The following RAD51B variants were observed in gnomAD, a reference collection of about 807,000 sequenced individuals.
RAD51B encodes the protein RAD51 paralog B, also known as DNA repair protein RAD51 homolog 2.
A neutral mutation model predicts 42.2 loss-of-function variants in RAD51B; 38 were observed. The observed-to-expected ratio is 0.90, with a 90% confidence interval of 0.70 to 1.18. The LOEUF is 1.18. RAD51B is among the 50% of genes most tolerant of loss of function. The probability of loss-of-function intolerance (pLI) is 0.00; values close to 1 mark genes in which losing one functional copy is unlikely to be tolerated. For missense variants in RAD51B, 373 were observed against 400.7 expected (o/e 0.93, Z 0.59); for synonymous variants, 154 against 145.2 (o/e 1.06, Z -0.43).
chr14:67,827,284 C>T (rs997387507), intron 3 of RAD51B, among the ~76,000 whole-genome samples: 2 of 152,136 alleles, frequency 1.3e-5, no homozygotes, highest in African/African-American at 2.4e-5. Context: ...GCATATTTCC[C>T]GTTAATAAAT....
intron 7 of RAD51B, among the ~76,000 whole-genome samples, chr14:67,890,638 AG>A (rs1486811615): frequency 2.6e-5 from 3 of 117,078 alleles, no homozygotes; most frequent in Non-Finnish European, 5.0e-5. Flanking sequence ...CAGTCCCCAG[AG>A]TGTAAACTTC....
chr14:68,328,342 C>A (rs905950788), intron 8 of RAD51B, among the ~76,000 whole-genome samples: 2 of 152,190 alleles, frequency 1.3e-5, no homozygotes. Flanking sequence ...AAACTTTTCT[C>A]CTGTGCATTG....
intron 8 of RAD51B, among the ~76,000 whole-genome samples, chr14:68,360,723 A>G (rs1010218943): frequency 1.3e-5 from 2 of 152,264 alleles, no homozygotes; most frequent in African/African-American, 4.8e-5. Context: ...TGATAAAAGC[A>G]TAACAAATGT....
At chr14:67,985,586 T>C (rs2075170702) in intron 7 of RAD51B, among the ~76,000 whole-genome samples, 1 of 152,174 alleles carries the variant, frequency 6.6e-6, no homozygotes, top group Admixed American at 6.5e-5. Flanking sequence ...TAGCTTTTCC[T>C]TGACTTTTGT....
chr14:68,139,607 G>C (rs920225415), intron 7 of RAD51B, among the ~76,000 whole-genome samples: 1 of 152,202 alleles, frequency 6.6e-6, no homozygotes. Context: ...CACTCCCACT[G>C]CCTCACTCTT....
At chr14:67,874,658 CTGTTTTTTTGT>C (rs2140021101) in intron 5 of RAD51B, among the ~76,000 whole-genome samples, 1 of 152,096 alleles carries the variant, frequency 6.6e-6, no homozygotes, top group East Asian at 1.9e-4. Context: ...AGAAGATCTG[CTGTTTTTTTGT>C]TGTTTTTTTT....
intron 7 of RAD51B, among the ~76,000 whole-genome samples, chr14:68,149,063 T>A (rs1190878281): frequency 6.6e-6 from 1 of 152,192 alleles, no homozygotes; most frequent in African/African-American, 2.4e-5. Context: ...AATCAGATTG[T>A]TTGTTTTCTT....
chr14:67,833,973 A>C (rs1408597829), intron 3 of RAD51B, among the ~76,000 whole-genome samples: 1 of 152,196 alleles, frequency 6.6e-6, no homozygotes, highest in Non-Finnish European at 1.5e-5. Flanking sequence ...TTGTTGTATT[A>C]GTTTCCTGTG....
At chr14:68,648,548 C>A (rs1334731221) in intron 10 of RAD51B, among the ~76,000 whole-genome samples, 2 of 151,612 alleles carry the variant, frequency 1.3e-5, no homozygotes, top group African/African-American at 4.8e-5. Context: ...GGGGCACATA[C>A]AGAATTCTGT....
chr14:68,368,294 A>G (rs555388345), intron 8 of RAD51B, among the ~76,000 whole-genome samples: 1 of 152,270 alleles, frequency 6.6e-6, no homozygotes, highest in Non-Finnish European at 1.5e-5. Context: ...TTAATTCCTC[A>G]GAATCCCACA....
At chr14:68,306,604 G>A (rs2081869377) in intron 8 of RAD51B, 1 of 514,740 alleles carries the variant, frequency 1.9e-6, no homozygotes, top group Admixed American at 2.0e-5. Context: ...AAACCACAGT[G>A]AGCATGGAAG....
chr14:67,988,595 A>T lies in RAD51B; in HGVS notation c.756+101391A>T, dbSNP rs1002343974. On this transcript the variant is annotated intron_variant, in intron 7 of 10. Transcript: ENST00000471583. ...AGTTTTTCACAGACATGGCTTGAGA[A>T]TATTTTCTATTTTATATGCTTGTTA... is the stretch of plus-strand genomic sequence containing the variant. 2.0e-5 allele frequency among the ~76,000 whole-genome samples: 3 copies of T among 152,212 alleles called. No homozygotes were observed. The South Asian group carries it at 6.2e-4, about 32-fold the overall frequency.
intron 7 of RAD51B, among the ~76,000 whole-genome samples, chr14:68,258,316 G>A (rs1473773328): frequency 2.6e-5 from 4 of 151,822 alleles, no homozygotes; most frequent in Admixed American, 6.6e-5. Flanking sequence ...CGGGAGGATC[G>A]CTTGAGCCTG....
At chr14:68,221,643 A>G (rs2079929236) in intron 7 of RAD51B, among the ~76,000 whole-genome samples, 1 of 152,244 alleles carries the variant, frequency 6.6e-6, no homozygotes, top group Non-Finnish European at 1.5e-5. Flanking sequence ...CTTCATGACC[A>G]AGAACCCAAA....
chr14:68,157,725 A>G (rs61512918), intron 7 of RAD51B, among the ~76,000 whole-genome samples: 2,112 of 152,338 alleles, frequency 0.014, 50 homozygotes, highest in African/African-American at 0.047. Context: ...AATGGCAATA[A>G]CAAACTATTA....
At chr14:68,652,284 G>A (rs753485670) in intron 11 of RAD51B, among the ~76,000 whole-genome samples, 8 of 152,172 alleles carry the variant, frequency 5.3e-5, no homozygotes, top group South Asian at 2.1e-4. Flanking sequence ...CTTTCCAGCC[G>A]CCTCTTGCTC....
At chr14:67,913,718 AG>A (rs2044062066) in intron 7 of RAD51B, among the ~76,000 whole-genome samples, 1 of 152,164 alleles carries the variant, frequency 6.6e-6, no homozygotes, top group South Asian at 2.1e-4. Flanking sequence ...ATTTTGATAC[AG>A]GCATACAGTG....
chr14:67,936,869 G>A (rs1348515889), intron 7 of RAD51B, among the ~76,000 whole-genome samples: 2 of 152,106 alleles, frequency 1.3e-5, no homozygotes, highest in Non-Finnish European at 2.9e-5. Context: ...TTGACCATTT[G>A]TATATCTCTT....
intron 7 of RAD51B, among the ~76,000 whole-genome samples, chr14:68,188,496 A>T (rs1005344909): frequency 6.6e-6 from 1 of 152,152 alleles, no homozygotes; most frequent in Admixed American, 6.5e-5. Flanking sequence ...CAGTTGCTAT[A>T]GGCAACAATA....
Sources: allele counts gnomAD v4.1 joint callset (sites outside exome capture counted in the v4.1 genomes callset), GRCh38; gene constraint gnomAD v4.1.1; transcripts MANE v1.5; gene names NCBI Gene and HGNC (gene_info 2026-07-23, HGNC 2026-07-21).